LYPLAL1: variants seen among roughly 807,000 people sequenced by gnomAD.
LYPLAL1 encodes the protein lysophospholipase-like protein 1.
Under a neutral mutation model 19.7 loss-of-function variants are expected in LYPLAL1, and 23 were observed. That is an observed-to-expected ratio of 1.17 (90% CI 0.84 to 1.65). The LOEUF (loss-of-function observed/expected upper bound fraction) is 1.65, where lower values mean the gene tolerates loss of function less well. Ranked by LOEUF, LYPLAL1 falls within the 40% of genes most tolerant of loss-of-function variation. The pLI, the probability that LYPLAL1 is intolerant of heterozygous loss-of-function variation, is 0.00. For synonymous variants in LYPLAL1, 119 were observed against 96.3 expected, an observed-to-expected ratio of 1.24 and a Z score of -1.38; for missense variants, 355 against 279.4, an observed-to-expected ratio of 1.27 and a Z score of -1.93.
At chr1:219,210,015 ATC>A (rs1455052665) in intron 3 of LYPLAL1, among the ~76,000 whole-genome samples, 2 of 152,106 alleles carry the variant, frequency 1.3e-5, no homozygotes, top group Admixed American at 6.6e-5. Context: ...TAATATTGTA[ATC>A]CAAAAATGTG....
At chr1:219,339,272 C>G in the LYPLAL1 span, among the ~76,000 whole-genome samples, 5 of 151,960 alleles carry the variant, frequency 3.3e-5, no homozygotes, top group African/African-American at 1.2e-4. Context: ...CATGACATCC[C>G]TATGCAATAT....
the LYPLAL1 span, among the ~76,000 whole-genome samples, chr1:219,224,431 T>G: frequency 6.6e-6 from 1 of 152,146 alleles, no homozygotes; most frequent in South Asian, 2.1e-4. Flanking sequence ...CTGGTTAACA[T>G]TGTCTTAGTT....
chr1:219,294,180 A>C, the LYPLAL1 span, among the ~76,000 whole-genome samples: 2 of 152,208 alleles, frequency 1.3e-5, no homozygotes, highest in Non-Finnish European at 2.9e-5. Flanking sequence ...TCTATCCTGA[A>C]GATGCTCCTG....
chr1:219,256,867 G>A, the LYPLAL1 span, among the ~76,000 whole-genome samples: 1 of 151,838 alleles, frequency 6.6e-6, no homozygotes, highest in African/African-American at 2.4e-5. Context: ...GGAATTTTCT[G>A]GCTATCTTTT....
the LYPLAL1 span, among the ~76,000 whole-genome samples, chr1:219,325,366 G>GA: frequency 2.6e-5 from 4 of 152,068 alleles, no homozygotes; most frequent in Non-Finnish European, 5.9e-5. Context: ...CGTAGCTCCT[G>GA]AAAAAGAAAT....
the LYPLAL1 span, among the ~76,000 whole-genome samples, chr1:219,365,922 G>A: frequency 1.3e-5 from 2 of 152,110 alleles, no homozygotes; most frequent in African/African-American, 4.8e-5. Context: ...ATATCTGAAG[G>A]TTGAGTGTGT....
At chr1:219,294,592 C>A in the LYPLAL1 span, among the ~76,000 whole-genome samples, 1 of 152,150 alleles carries the variant, frequency 6.6e-6, no homozygotes, top group African/African-American at 2.4e-5. Flanking sequence ...GCCTAAGCAC[C>A]AAATTTTGTT....
intron 3 of LYPLAL1, among the ~76,000 whole-genome samples, chr1:219,202,373 GT>G (rs1263040567): frequency 6.6e-6 from 1 of 152,194 alleles, no homozygotes; most frequent in Non-Finnish European, 1.5e-5. Context: ...AGACTTACAG[GT>G]AGCTTAGTTG....
chr1:219,274,466 A>T, the LYPLAL1 span, among the ~76,000 whole-genome samples: 1 of 151,798 alleles, frequency 6.6e-6, no homozygotes, highest in African/African-American at 2.4e-5. Context: ...GCTCACAGCA[A>T]CTCCTGCCTC....
chr1:219,428,485 A>G, the LYPLAL1 span, among the ~76,000 whole-genome samples: 1 of 152,236 alleles, frequency 6.6e-6, no homozygotes, highest in East Asian at 1.9e-4. Flanking sequence ...CACCACCAGA[A>G]TTAATGAGAC....
the LYPLAL1 span, among the ~76,000 whole-genome samples, chr1:219,370,795 A>G: frequency 6.6e-6 from 1 of 152,176 alleles, no homozygotes; most frequent in African/African-American, 2.4e-5. Flanking sequence ...GGGCCCTTTC[A>G]TAGGACATAA....
downstream of LYPLAL1, among the ~76,000 whole-genome samples, chr1:219,214,434 A>G (rs2125127073): frequency 6.6e-6 from 1 of 152,192 alleles, no homozygotes; most frequent in Non-Finnish European, 1.5e-5. Context: ...GGGATAAATT[A>G]TATAGTATTG....
the LYPLAL1 span, among the ~76,000 whole-genome samples, chr1:219,281,500 G>A: frequency 6.6e-6 from 1 of 152,134 alleles, no homozygotes; most frequent in South Asian, 2.1e-4. Flanking sequence ...CAGAATTGGA[G>A]GACTTGGTTT....
At chr1:219,360,338 C>T in the LYPLAL1 span, among the ~76,000 whole-genome samples, 32 of 152,176 alleles carry the variant, frequency 2.1e-4, no homozygotes, top group African/African-American at 6.3e-4. Context: ...ATTGATGAGA[C>T]CATCTCTTCT....
chr1:219,248,760 AT>A, the LYPLAL1 span, among the ~76,000 whole-genome samples: 1 of 152,146 alleles, frequency 6.6e-6, no homozygotes, highest in African/African-American at 2.4e-5. Flanking sequence ...ATTGAAGAGT[AT>A]TGTGATGATG....
chr1:219,230,597 G>A, the LYPLAL1 span, among the ~76,000 whole-genome samples: 1 of 152,182 alleles, frequency 6.6e-6, no homozygotes. Context: ...TGGCATTAAA[G>A]TTTTAAAATG....
chr1:219,367,945 A>AATT, the LYPLAL1 span, among the ~76,000 whole-genome samples: 9 of 144,488 alleles, frequency 6.2e-5, no homozygotes, highest in Non-Finnish European at 9.0e-5. Context: ...TGGCTTTACA[A>AATT]TTTTTTTTTT....
chr1:219,286,396 T>G, the LYPLAL1 span, among the ~76,000 whole-genome samples: 1 of 152,324 alleles, frequency 6.6e-6, no homozygotes, highest in Admixed American at 6.5e-5. Flanking sequence ...CTATCATCCT[T>G]GCTCGTATGA....
chr1:219,296,528 G>A, the LYPLAL1 span, among the ~76,000 whole-genome samples: 6 of 152,156 alleles, frequency 3.9e-5, no homozygotes, highest in Admixed American at 6.5e-5. Flanking sequence ...CATCAACCAG[G>A]CACATAAGTG....
Sources: allele counts gnomAD v4.1 joint callset (sites outside exome capture counted in the v4.1 genomes callset), GRCh38; gene constraint gnomAD v4.1.1; transcripts MANE v1.5; gene names NCBI Gene and HGNC (gene_info 2026-07-23, HGNC 2026-07-21).